RBFOX3: variants seen among roughly 807,000 people sequenced by gnomAD.
RBFOX3 encodes the protein RNA binding fox-1 homolog 3.
A neutral mutation model predicts 48.7 loss-of-function variants in RBFOX3; 17 were observed. That is an observed-to-expected ratio of 0.35 (90% CI 0.24 to 0.52). The LOEUF (loss-of-function observed/expected upper bound fraction) is 0.52. Among genes scored for constraint, RBFOX3 ranks in the 20% least tolerant of loss-of-function variants. The pLI is 0.94. For synonymous variants in RBFOX3, 212 were observed against 209.5 expected (o/e 1.01, Z -0.10); for missense variants, 382 against 497.5 (o/e 0.77, Z 2.21).
chr17:79,248,776 C>G (rs1053716570), intron 3 of RBFOX3, among the ~76,000 whole-genome samples: 2 of 152,218 alleles, frequency 1.3e-5, no homozygotes, highest in Admixed American at 6.5e-5. Flanking sequence ...TTGACTCACT[C>G]TCTTTGGGGA....
intron 4 of RBFOX3, among the ~76,000 whole-genome samples, chr17:79,178,982 T>C (rs1271949164): frequency 2.6e-5 from 4 of 151,972 alleles, no homozygotes; most frequent in Non-Finnish European, 5.9e-5. Context: ...TGGCCAGTGG[T>C]GGGATACTCT....
the RBFOX3 span, among the ~76,000 whole-genome samples, chr17:79,621,219 G>A: frequency 5.3e-4 from 80 of 151,804 alleles, no homozygotes; most frequent in Non-Finnish European, 3.7e-4. Flanking sequence ...GGCGGGTCTC[G>A]AACTCCTGAC....
intron 2 of RBFOX3, among the ~76,000 whole-genome samples, chr17:79,383,173 G>A (rs542389108): frequency 3.8e-4 from 58 of 152,268 alleles, no homozygotes; most frequent in African/African-American, 1.3e-3. Context: ...ATGGGAAAAG[G>A]GGTGTATCCA....
intron 5 of RBFOX3, among the ~76,000 whole-genome samples, chr17:79,113,921 T>G (rs570110536): frequency 5.9e-5 from 9 of 152,268 alleles, no homozygotes; most frequent in African/African-American, 2.2e-4. Flanking sequence ...GCCCCAGGTG[T>G]CCAGGAGGCA....
intron 4 of RBFOX3, among the ~76,000 whole-genome samples, chr17:79,232,081 C>T (rs2061103507): frequency 6.6e-6 from 1 of 152,168 alleles, no homozygotes; most frequent in Non-Finnish European, 1.5e-5. Context: ...TCGTGAGACT[C>T]ACCCATTATC....
intron 2 of RBFOX3, among the ~76,000 whole-genome samples, chr17:79,476,030 C>G (rs897862814): frequency 6.6e-6 from 1 of 152,260 alleles, no homozygotes; most frequent in South Asian, 2.1e-4. Context: ...CCCCACTGGC[C>G]AGGCTGACTG....
At chr17:79,497,113 T>C (rs1436839522) in intron 1 of RBFOX3, among the ~76,000 whole-genome samples, 1 of 152,086 alleles carries the variant, frequency 6.6e-6, no homozygotes, top group Non-Finnish European at 1.5e-5. Context: ...GTCCACCCCC[T>C]GCATGGCAGC....
intron 3 of RBFOX3, among the ~76,000 whole-genome samples, chr17:79,300,532 T>C (rs139613048): frequency 2.0e-5 from 3 of 152,258 alleles, no homozygotes; most frequent in East Asian, 3.9e-4. Context: ...GGAGAATCTG[T>C]GTGGGTTAAA....
At chr17:79,141,801 C>A (rs1039081328) in intron 4 of RBFOX3, among the ~76,000 whole-genome samples, 2 of 152,086 alleles carry the variant, frequency 1.3e-5, no homozygotes, top group African/African-American at 4.8e-5. Context: ...CGACACAGTG[C>A]CCCCCGGTCG....
rs1391153674 is a variant in RBFOX3, at chr17:79,299,426, T to C, written c.-74+8298A>G. On this transcript the variant is annotated intron_variant, in intron 3 of 14. Transcript: ENST00000693108. This position sits in a 1 kb window ranked among gnomAD's most constrained non-coding sequence, Gnocchi z 4.5. ...AAAGTATTAGAAAAATAAATAAAAA[T>C]AATGATACAACAATACAAATAACAG... Among the ~76,000 whole-genome samples the C allele has an allele frequency of 6.6e-6, 1 of 152,012 alleles. No individual in the cohort carries two copies. Among genetic ancestry groups the C allele is most frequent in the African/African-American group, 2.4e-5 (1 of 41,390 alleles).
chr17:79,508,179 C>G (rs1219477827), intron 1 of RBFOX3, among the ~76,000 whole-genome samples: 3 of 152,218 alleles, frequency 2.0e-5, no homozygotes, highest in Admixed American at 2.0e-4. Context: ...CCCCTGCGCT[C>G]GCTGGCCTTC....
intron 2 of RBFOX3, among the ~76,000 whole-genome samples, chr17:79,326,451 G>A (rs2079343062): frequency 3.9e-5 from 6 of 152,220 alleles, no homozygotes; most frequent in Admixed American, 3.9e-4. Context: ...GGAAGAGAGT[G>A]AATCTCCATG....
In RBFOX3 at chr17:79,478,804, C is replaced by T. The variant is rs367959191; in HGVS notation, c.-175+3650G>A. Among the ~76,000 whole-genome samples the T allele has an allele frequency of 1.5e-3, 231 of 152,340 alleles. 3 individuals carry two copies. Among genetic ancestry groups the T allele is most frequent in the African/African-American group, 4.9e-3 (202 of 41,580 alleles). ...CATGTAACAGACAAATCTCGTTTTG[C>T]AGCATCCATGTTTTTAATAAGGACT... On this transcript the variant is annotated intron_variant, in intron 2 of 14. Coordinates refer to ENST00000693108, the MANE Select transcript of RBFOX3 (RefSeq NM_001350451.2).
At chr17:79,114,053 G>A (rs554486037) in intron 5 of RBFOX3, among the ~76,000 whole-genome samples, 42 of 152,282 alleles carry the variant, frequency 2.8e-4, no homozygotes, top group African/African-American at 1.0e-3. Flanking sequence ...CTCACCATGA[G>A]AGACCCCCTC....
rs1315481430 is a variant in RBFOX3 at position 79,243,310 on chromosome 17, G to A, written c.-73-7505C>T. 2.0e-5 allele frequency among the ~76,000 whole-genome samples: 3 copies of A among 152,118 alleles called. No individual in the cohort carries two copies. The highest frequency in any genetic ancestry group is 6.5e-5 in the Admixed American group (1 of 15,274). Reference sequence around the variant, plus strand: ...CAGAGTGAGCAGGGGGCAAACCAACGTGGCCCCAGGAGAAAACCCACTGTA... The same window carrying A: ...CAGAGTGAGCAGGGGGCAAACCAACATGGCCCCAGGAGAAAACCCACTGTA... On this transcript the variant is annotated intron_variant, in intron 3 of 14. Transcript: ENST00000693108. The surrounding 1 kb of genome is among the most constrained non-coding windows in gnomAD (Gnocchi z 7.9).
intron 4 of RBFOX3, among the ~76,000 whole-genome samples, chr17:79,162,998 C>T (rs558571976): frequency 1.3e-5 from 2 of 152,186 alleles, no homozygotes; most frequent in Non-Finnish European, 2.9e-5. Flanking sequence ...CTCGGGTGCT[C>T]CTGAGCACAG....
chr17:79,124,106 C>T (rs2036515136), intron 4 of RBFOX3, among the ~76,000 whole-genome samples: 1 of 152,224 alleles, frequency 6.6e-6, no homozygotes, highest in Admixed American at 6.5e-5. Context: ...ATGTGAGTGC[C>T]ACTGGGCATG....
intron 3 of RBFOX3, among the ~76,000 whole-genome samples, chr17:79,287,319 C>T (rs2072169908): frequency 6.6e-6 from 1 of 152,212 alleles, no homozygotes; most frequent in Non-Finnish European, 1.5e-5. Context: ...ATAGCACTCC[C>T]CACCCACAGG....
chr17:79,554,295 T>A (rs1173933055), intron 1 of RBFOX3, among the ~76,000 whole-genome samples: 1 of 151,870 alleles, frequency 6.6e-6, no homozygotes, highest in African/African-American at 2.4e-5. Flanking sequence ...ATCCTCTCCA[T>A]CCTCACTCAC....
Sources: gnomAD v4.1 joint callset for allele counts (sites outside exome capture counted in the v4.1 genomes callset) on GRCh38, gnomAD v4.1.1 for gene constraint, Gnocchi (gnomAD v3.1) non-coding constraint, MANE v1.5 for transcripts, NCBI Gene and HGNC (gene_info 2026-07-23, HGNC 2026-07-21) for gene names.